Variants in COBL observed in about 807,000 individuals in gnomAD.
COBL encodes the protein cordon-bleu WH2 repeat protein.
In COBL, 51 loss-of-function variants were observed where a neutral mutation model predicts 98.8. That is an observed-to-expected ratio of 0.52 (90% CI 0.41 to 0.65). The LOEUF is 0.65. COBL is among the 30% of genes least tolerant of loss of function. The probability of loss-of-function intolerance (pLI) is 0.00; values close to 1 mark genes in which losing one functional copy is unlikely to be tolerated. For synonymous variants in COBL, 634 were observed against 651.7 expected (o/e 0.97, Z 0.41); for missense variants, 1,617 against 1,617.5 (o/e 1.00, Z 0.01).
At chr7:51,220,091 G>A in intron 1 of COBL, 147 bp from the exon 2 acceptor site, 1 of 666,368 alleles carries the variant, frequency 1.5e-6, no homozygotes, top group Non-Finnish European at 2.6e-6. Flanking sequence ...CCCCAAACAA[G>A]TAAAAACTAA....
At chr7:51,088,053 T>C (rs1210154564) in intron 6 of COBL, among the ~76,000 whole-genome samples, 1 of 126,346 alleles carries the variant, frequency 7.9e-6, no homozygotes, top group African/African-American at 3.4e-5. Flanking sequence ...ATCTTCTGCA[T>C]AGTATCTGCT....
chr7:51,288,446 G>C (rs890478633), intron 1 of COBL, among the ~76,000 whole-genome samples: 1 of 139,998 alleles, frequency 7.1e-6, no homozygotes, highest in Non-Finnish European at 1.5e-5. Flanking sequence ...AAGAAAGAAA[G>C]AAAAAACAAC....
At chr7:51,158,142 C>T (rs1234562100) in intron 5 of COBL, among the ~76,000 whole-genome samples, 3 of 152,202 alleles carry the variant, frequency 2.0e-5, no homozygotes, top group African/African-American at 7.2e-5. Context: ...TAGCTAAACA[C>T]ACATTAACAT....
At chr7:51,177,285 C>A (rs1301490290) in intron 5 of COBL, among the ~76,000 whole-genome samples, 1 of 152,142 alleles carries the variant, frequency 6.6e-6, no homozygotes, top group Admixed American at 6.5e-5. Flanking sequence ...GCATTGCTTT[C>A]ATAACTCTGT....
chr7:51,314,647 C>T (rs997656700), intron 1 of COBL, among the ~76,000 whole-genome samples: 1 of 152,170 alleles, frequency 6.6e-6, no homozygotes, highest in East Asian at 1.9e-4. Context: ...CTTGATGCTT[C>T]TTCACTGAAA....
intron 6 of COBL, among the ~76,000 whole-genome samples, chr7:51,111,586 A>G (rs539137252): frequency 6.6e-6 from 1 of 152,300 alleles, no homozygotes; most frequent in Non-Finnish European, 1.5e-5. Context: ...TCTCTCGCTG[A>G]ACTGTCCTGT....
At chr7:51,306,115 C>T (rs902980075) in intron 1 of COBL, among the ~76,000 whole-genome samples, 1 of 151,960 alleles carries the variant, frequency 6.6e-6, no homozygotes, top group African/African-American at 2.4e-5. Context: ...GAGGTGTGAG[C>T]TGTAATGCAG....
chr7:51,106,075 G>C (rs1333481213), intron 6 of COBL, among the ~76,000 whole-genome samples: 1 of 150,116 alleles, frequency 6.7e-6, no homozygotes, highest in African/African-American at 2.5e-5. Context: ...GTGGTGGCAC[G>C]CACCTGTAAT....
intron 7 of COBL, among the ~76,000 whole-genome samples, chr7:51,070,093 G>A (rs1792367827): frequency 6.6e-6 from 1 of 152,036 alleles, no homozygotes; most frequent in Admixed American, 6.6e-5. Context: ...AAGCCTTTAA[G>A]GGTAAAATCA....
chr7:51,255,453 T>C (rs1186225272), intron 1 of COBL, among the ~76,000 whole-genome samples: 1 of 152,204 alleles, frequency 6.6e-6, no homozygotes, highest in African/African-American at 2.4e-5. Flanking sequence ...CAGGGCCTCC[T>C]TCACTTGCAG....
At position 51,043,553 on chromosome 7, in the gene COBL, G is replaced by C; in HGVS notation, c.1236C>G (p.Ser412=). The C allele has an allele frequency of 1.2e-6, 2 of 1,614,210 alleles. No individual in the cohort carries two copies. Among genetic ancestry groups the C allele is most frequent in the African/African-American group, 1.3e-5 (1 of 75,052 alleles). The change falls in exon 8 of 13, where the codon TCC becomes TCG. Residue 412 remains serine, a synonymous_variant. Coordinates refer to ENST00000265136, the MANE Select transcript of COBL (RefSeq NM_015198.5). ...AGTCCAGAGAGACGATGTCTGAGGG[G>C]GAACTCATCACTCCTGAGTCCTCGG... ...DTTEDSGVMS[S]PSDIVSLDSQ... is the part of the protein sequence containing the mutation.
intron 5 of COBL, among the ~76,000 whole-genome samples, chr7:51,165,166 A>C (rs1428057516): frequency 6.6e-6 from 1 of 151,878 alleles, no homozygotes; most frequent in Non-Finnish European, 1.5e-5. Flanking sequence ...ACTCTCAAAA[A>C]ACAGACTGGC....
At chr7:51,120,862 C>A (rs182250178) in intron 6 of COBL, among the ~76,000 whole-genome samples, 39 of 152,306 alleles carry the variant, frequency 2.6e-4, no homozygotes, top group African/African-American at 9.1e-4. Context: ...TGTATTATTA[C>A]AGAATAATAT....
chr7:51,047,674 A>G (rs1387681237), intron 7 of COBL, among the ~76,000 whole-genome samples: 1 of 152,180 alleles, frequency 6.6e-6, no homozygotes, highest in Non-Finnish European at 1.5e-5. Flanking sequence ...AAAATGTTTC[A>G]ATGAAAGAAA....
chr7:51,059,748 T>C (rs1791137714), intron 7 of COBL, among the ~76,000 whole-genome samples: 1 of 152,172 alleles, frequency 6.6e-6, no homozygotes, highest in East Asian at 1.9e-4. Context: ...CCCGCCACTG[T>C]TCCCTCATCC....
At chr7:51,306,882 G>C (rs752265755) in intron 1 of COBL, among the ~76,000 whole-genome samples, 2 of 152,166 alleles carry the variant, frequency 1.3e-5, no homozygotes, top group Non-Finnish European at 2.9e-5. Context: ...TTCAGAAATA[G>C]AGCAGAGCAA....
Position 51,316,687 on chromosome 7 carries a change from G to A in COBL, c.-54C>T, listed in dbSNP as rs1399143539. 18 of 1,160,866 alleles carry A rather than the reference G, an allele frequency of 1.6e-5. No individual in the cohort carries two copies. The highest frequency in any genetic ancestry group is 1.9e-5 in the Non-Finnish European group (18 of 934,166). 71.9% of individuals were successfully genotyped at this position (1,160,866 alleles called of 1,614,324 possible). A position where few individuals can be genotyped will look rare whatever the true frequency, so the allele number is the denominator to read the frequency against. On this transcript the variant is annotated 5_prime_UTR_variant, in exon 1 of 13. Transcript: ENST00000265136. ...CTCCGGGCCCGCCGAGTCAGGCGCTGGCTACCGCCGCCACCGCTGCCGCCC... is the reference window on the plus strand; with the variant it reads ...CTCCGGGCCCGCCGAGTCAGGCGCTAGCTACCGCCGCCACCGCTGCCGCCC...
At chr7:51,018,321 A>G (rs887721859) in intron 12 of COBL, 2 of 152,436 alleles carry the variant, frequency 1.3e-5, no homozygotes, top group Non-Finnish European at 2.9e-5. Context: ...TGCCCTGTGC[A>G]TGCTCTCTCA....
At chr7:51,259,898 A>G (rs1258769493) in intron 1 of COBL, 1 of 757,442 alleles carries the variant, frequency 1.3e-6, no homozygotes, top group Non-Finnish European at 2.4e-6. Flanking sequence ...TTCAATGCGT[A>G]CAATAAAGGC....
Sources: gnomAD v4.1 joint callset for allele counts (sites outside exome capture counted in the v4.1 genomes callset) on GRCh38, gnomAD v4.1.1 for gene constraint, MANE v1.5 for transcripts, NCBI Gene and HGNC (gene_info 2026-07-23, HGNC 2026-07-21) for gene names.